Variants in BMP10 observed in about 807,000 individuals in gnomAD.
The protein encoded by BMP10 is bone morphogenetic protein 10.
A neutral mutation model predicts 29.9 loss-of-function variants in BMP10; 9 were observed. The observed-to-expected ratio is 0.30, with a 90% confidence interval of 0.18 to 0.53. The LOEUF (loss-of-function observed/expected upper bound fraction) is 0.53. Ranked by LOEUF, BMP10 falls within the 20% of genes least tolerant of loss-of-function variation. The pLI is 0.96. For missense variants in BMP10, 474 were observed against 524.3 expected (o/e 0.90, Z 0.94); for synonymous variants, 202 against 200.2 (o/e 1.01, Z -0.07).
rs1051238362 is a variant in BMP10 at position 68,866,364 on chromosome 2, C to G, written c.542G>C (p.Arg181Thr). Reference sequence around the variant, plus strand: ...CCCAGACACCAAGACCAGCATGTTTCTTTCTCCCTCATTATCCCCTTTGCT... The same window carrying G: ...CCCAGACACCAAGACCAGCATGTTTGTTTCTCCCTCATTATCCCCTTTGCT... Reference protein sequence around the residue: ...LESKGDNEGERNMLVLVSGEI... With the variant: ...LESKGDNEGETNMLVLVSGEI... Residue 181 changes from arginine to threonine, a missense_variant, in exon 2 of 2, where the codon AGA becomes ACA. By Grantham distance (71) the Arg-to-Thr change is moderately conservative (BLOSUM62 -1). Transcript: ENST00000295379. 3.1e-6 allele frequency: 5 copies of G among 1,613,976 alleles called. No individual in the cohort carries two copies. The highest frequency in any genetic ancestry group is 4.2e-6 in the Non-Finnish European group (5 of 1,179,942).
At position 68,871,192 on chromosome 2, in the gene BMP10, T is replaced by C. The variant is rs1430732589; in HGVS notation, c.167A>G (p.Gln56Arg). The C allele has an allele frequency of 6.2e-7, 1 of 1,614,170 alleles. No homozygotes were observed. The highest frequency in any genetic ancestry group is 8.5e-7 in the Non-Finnish European group (1 of 1,180,006). Residue 56 changes from glutamine (Q) to arginine (R), a missense_variant, in exon 1 of 2, where the codon CAG (glutamine) becomes CGG (arginine). By Grantham distance (43) the Gln-to-Arg change is conservative. Coordinates refer to ENST00000295379, the MANE Select transcript of BMP10 (RefSeq NM_014482.3). ...QDGVDFNTLL[Q>R]SMKDEFLKTL... is the part of the protein sequence containing the mutation. Reference sequence around the variant, plus strand: ...CTTAAGAAACTCATCCTTCATGCTCTGGAGCAGTGTGTTAAAGTCGACACC... The same window carrying C: ...CTTAAGAAACTCATCCTTCATGCTCCGGAGCAGTGTGTTAAAGTCGACACC...
rs1279174043 is a variant in BMP10, at chr2:68,861,870, G to T, written c.*3761C>A. Among the ~76,000 whole-genome samples, 1 of 152,102 alleles carries T rather than the reference G, an allele frequency of 6.6e-6. No homozygotes were observed. The highest frequency in any genetic ancestry group is 1.5e-5 in the Non-Finnish European group (1 of 67,998). ...CATCAGGAAAGAATTCGGCACTTTG[G>T]GGCTGACTCTTTTGGAAATCACTAA... On this transcript the variant is annotated 3_prime_UTR_variant, in exon 2 of 2. Coordinates refer to ENST00000295379, the MANE Select transcript of BMP10 (RefSeq NM_014482.3).
chr2:68,862,525 C>A lies in BMP10; in HGVS notation c.*3106G>T, dbSNP rs1281980297. 6.6e-6 allele frequency among the ~76,000 whole-genome samples: 1 copy of A among 152,106 alleles called. No homozygotes were observed. Among genetic ancestry groups the A allele is most frequent in the East Asian group, 1.9e-4 (1 of 5,202 alleles). The stretch of plus-strand genomic sequence containing the variant: ...ATGAATATTTTGGCTGTGGGCTGCC[C>A]AAGTCCCTCTGCTATAATTCTCCTC... On this transcript the variant is annotated 3_prime_UTR_variant, in exon 2 of 2. Coordinates refer to ENST00000295379, the MANE Select transcript of BMP10 (RefSeq NM_014482.3).
rs1168045412 is a variant in BMP10, at chr2:68,861,432, T to C, written c.*4199A>G. Among the ~76,000 whole-genome samples the C allele has an allele frequency of 6.6e-6, 1 of 152,250 alleles. No individual in the cohort carries two copies. The highest frequency in any genetic ancestry group is 1.5e-5 in the Non-Finnish European group (1 of 68,042). ...AATATTTCACATGCAGAAACACCCCTGTGTACTTCTCTTCCATAGTCACAT... is the reference window on the plus strand; with the variant it reads ...AATATTTCACATGCAGAAACACCCCCGTGTACTTCTCTTCCATAGTCACAT... On this transcript the variant is annotated 3_prime_UTR_variant, in exon 2 of 2. Transcript: ENST00000295379.
Position 68,866,314 on chromosome 2 carries a change from ACTCACTGTTGGTT to A in BMP10, c.579_591del (p.Thr194GlyfsTer42). 6.2e-7 allele frequency: 1 copy of A among 1,613,596 alleles called. No individual in the cohort carries two copies. Among genetic ancestry groups the A allele is most frequent in the Non-Finnish European group, 8.5e-7 (1 of 1,179,844 alleles). The stretch of plus-strand genomic sequence containing the variant: ...GCATCTGTGACATCAAAAGTCTCCC[ACTCACTGTTGGTT>A]CCATATATCTCCCCAGACACCAAGA... On this transcript the variant is annotated frameshift_variant, in exon 2 of 2. Transcript: ENST00000295379. LOFTEE classifies it high-confidence loss of function.
intron 1 of BMP10, among the ~76,000 whole-genome samples, chr2:68,870,110 C>A (rs529749455): frequency 6.6e-6 from 1 of 152,144 alleles, no homozygotes; most frequent in Non-Finnish European, 1.5e-5. Context: ...CCAATATTAA[C>A]GGGAAGCTTC....
rs770691289 is a variant in BMP10, at chr2:68,871,137, C to T, written c.222G>A (p.Gln74=). The change falls in exon 1 of 2, where the codon CAG becomes CAA. Residue 74 remains glutamine (Q), a synonymous_variant. Coordinates refer to ENST00000295379, the MANE Select transcript of BMP10 (RefSeq NM_014482.3). ...KTLNLSDIPT[Q]DSAKVDPPEY... ...CTGGTGGGTCCACCTTGGCTGAATC[C>T]TGCGTGGGGATGTCAGAGAGGTTTA... is the stretch of plus-strand genomic sequence containing the variant. The T allele has an allele frequency of 1.2e-6, 2 of 1,614,120 alleles. No homozygotes were observed. Among genetic ancestry groups the T allele is most frequent in the Non-Finnish European group, 1.7e-6 (2 of 1,180,020 alleles).
Position 68,865,555 on chromosome 2 carries a change from T to G in BMP10, c.*76A>C. 1 of 1,422,754 alleles carries G rather than the reference T, an allele frequency of 7.0e-7. No individual in the cohort carries two copies. The highest frequency in any genetic ancestry group is 9.7e-7 in the Non-Finnish European group (1 of 1,036,254). 88.1% of individuals were successfully genotyped at this position (1,422,754 alleles called of 1,614,324 possible). On this transcript the variant is annotated 3_prime_UTR_variant, in exon 2 of 2. Transcript: ENST00000295379. This position sits in a 1 kb window ranked among gnomAD's most constrained non-coding sequence, Gnocchi z 4.7. ...GCAAGCCTCTATTACTGTACACCCT[T>G]ATTAAATAATCTCATTAAATAGGAA... is the stretch of plus-strand genomic sequence containing the variant.
At position 68,866,489 on chromosome 2, in the gene BMP10, C is replaced by A. The variant is rs753363109; in HGVS notation, c.417G>T (p.Glu139Asp). The A allele has an allele frequency of 1.2e-6, 2 of 1,613,768 alleles. No individual in the cohort carries two copies. Residue 139 changes from glutamate (E) to aspartate (D), a missense_variant, in exon 2 of 2, where the codon GAG becomes GAT. Physicochemically the swap from Glu to Asp is conservative, Grantham distance 45. Coordinates refer to ENST00000295379, the MANE Select transcript of BMP10 (RefSeq NM_014482.3). Reference sequence around the variant, plus strand: ...ATAGCCTAAGTTCAGCCATGATGACCTCTTCATGGTGAGGAATGGACACAT... The same window carrying A: ...ATAGCCTAAGTTCAGCCATGATGACATCTTCATGGTGAGGAATGGACACAT... ...LFNVSIPHHE[E>D]VIMAELRLYT...
chr2:68,861,829 C>T lies in BMP10; in HGVS notation c.*3802G>A, dbSNP rs760739524. ...AAAAAGGTTTTTGTCATTAATTCCC[C>T]GGACCAAAATTTACACATCAGGAAA... On this transcript the variant is annotated 3_prime_UTR_variant, in exon 2 of 2. Coordinates refer to ENST00000295379, the MANE Select transcript of BMP10 (RefSeq NM_014482.3). Among the ~76,000 whole-genome samples the T allele has an allele frequency of 5.9e-5, 9 of 152,132 alleles. No homozygotes were observed. Among genetic ancestry groups the T allele is most frequent in the African/African-American group, 1.2e-4 (5 of 41,412 alleles).
rs1043379161 is a variant in BMP10, at chr2:68,868,451, G to C, written c.335-1880C>G. On this transcript the variant is annotated intron_variant, in intron 1 of 1. Transcript: ENST00000295379. Reference sequence around the variant, plus strand: ...TATTTCAGCCATCTTTTTATGAATGGATTTTCCCAACTAGATTGCCATCCT... The same window carrying C: ...TATTTCAGCCATCTTTTTATGAATGCATTTTCCCAACTAGATTGCCATCCT... Among the ~76,000 whole-genome samples the C allele has an allele frequency of 2.0e-5, 3 of 151,974 alleles. No individual in the cohort carries two copies. In the East Asian group the frequency reaches 5.8e-4, roughly 29 times the overall value.
At position 68,861,498 on chromosome 2, in the gene BMP10, G is replaced by A. The variant is rs999581178; in HGVS notation, c.*4133C>T. Among the ~76,000 whole-genome samples, 5 of 152,178 alleles carry A rather than the reference G, an allele frequency of 3.3e-5. No individual in the cohort carries two copies. The highest frequency in any genetic ancestry group is 1.2e-4 in the African/African-American group (5 of 41,448). On this transcript the variant is annotated 3_prime_UTR_variant, in exon 2 of 2. Coordinates refer to ENST00000295379, the MANE Select transcript of BMP10 (RefSeq NM_014482.3). ...TGTAGGAAATCAACTGTTCCTGTTT[G>A]GGGGCAAGAAAATGCACAGAGTCAT...
At chr2:68,869,498 A>T (rs188267632) in intron 1 of BMP10, among the ~76,000 whole-genome samples, 17 of 152,302 alleles carry the variant, frequency 1.1e-4, no homozygotes, top group Non-Finnish European at 2.2e-4. Flanking sequence ...AATAATAAGC[A>T]CAGTAAACTC....
Position 68,861,742 on chromosome 2 carries a change from C to T in BMP10, c.*3889G>A, listed in dbSNP as rs544856611. Among the ~76,000 whole-genome samples the T allele has an allele frequency of 8.5e-5, 13 of 152,186 alleles. No individual in the cohort carries two copies. Among genetic ancestry groups the T allele is most frequent in the Non-Finnish European group, 1.9e-4 (13 of 68,024 alleles). ...ATAAAATTCTCTTATATGAAAATAT[C>T]TTTTACTTGAAGAATATAAATCATA... On this transcript the variant is annotated 3_prime_UTR_variant, in exon 2 of 2. Transcript: ENST00000295379.
Position 68,871,010 on chromosome 2 carries a change from T to A in BMP10, c.334+15A>T. The A allele has an allele frequency of 9.4e-6, 15 of 1,601,524 alleles. No individual in the cohort carries two copies. The highest frequency in any genetic ancestry group is 1.3e-5 in the Non-Finnish European group (15 of 1,171,096). On this transcript the variant is annotated intron_variant, in intron 1 of 1. Transcript: ENST00000295379. Reference sequence around the variant, plus strand: ...TGAAAAAAATCCTAGCAAAATTTCATCAGCAAAAACTTACCTTCATTCTTG... The same window carrying A: ...TGAAAAAAATCCTAGCAAAATTTCAACAGCAAAAACTTACCTTCATTCTTG...
At chr2:68,867,901 T>C (rs1020318423) in intron 1 of BMP10, among the ~76,000 whole-genome samples, 6 of 95,214 alleles carry the variant, frequency 6.3e-5, no homozygotes, top group Non-Finnish European at 1.2e-4. Context: ...TTTGAGGTGA[T>C]ATTTATGTGT....
At position 68,866,365 on chromosome 2, in the gene BMP10, T is replaced by C. The variant is rs1446043590; in HGVS notation, c.541A>G (p.Arg181Gly). ...CCAGACACCAAGACCAGCATGTTTCTTTCTCCCTCATTATCCCCTTTGCTC... is the reference window on the plus strand; with the variant it reads ...CCAGACACCAAGACCAGCATGTTTCCTTCTCCCTCATTATCCCCTTTGCTC... ...LESKGDNEGE[R>G]NMLVLVSGEI... The change falls in exon 2 of 2, where the codon AGA (arginine) becomes GGA (glycine). Residue 181 changes from arginine (R) to glycine (G), a missense_variant. Arg to Gly is a moderately radical substitution (Grantham distance 125). Coordinates refer to ENST00000295379, the MANE Select transcript of BMP10 (RefSeq NM_014482.3). 6.2e-7 allele frequency: 1 copy of C among 1,614,018 alleles called. No individual in the cohort carries two copies. The highest frequency in any genetic ancestry group is 1.7e-5 in the Admixed American group (1 of 60,004).
rs762857675 is a variant in BMP10, at chr2:68,861,337, G to A, written c.*4294C>T. Among the ~76,000 whole-genome samples the A allele has an allele frequency of 2.3e-4, 35 of 152,192 alleles. No homozygotes were observed. Among genetic ancestry groups the A allele is most frequent in the Non-Finnish European group, 4.7e-4 (32 of 68,034 alleles). ...CAAGCCAGGTGCTCACAAAACCAGT[G>A]CCCATGTGTGATAAAAACATGCTGA... On this transcript the variant is annotated 3_prime_UTR_variant, in exon 2 of 2. Transcript: ENST00000295379.
rs777738014 is a variant in BMP10, at chr2:68,866,201, G to C, written c.705C>G (p.Ser235Arg). ...TGGTATCTATTTCTAGCCGTCCACT[G>C]CTGGCATCCTCAGCTTCATCGTGTT... ...ESKHDEAEDA[S>R]SGRLEIDTSA... is the part of the protein sequence containing the mutation. The change falls in exon 2 of 2, where the codon AGC (serine) becomes AGG (arginine). Residue 235 changes from serine (S) to arginine (R), a missense_variant. Ser to Arg is a moderately radical substitution (Grantham distance 110). Transcript: ENST00000295379. 3.1e-6 allele frequency: 5 copies of C among 1,614,046 alleles called. No homozygotes were observed. The South Asian group carries it at 4.4e-5, about 14-fold the overall frequency.
Sources: gnomAD v4.1 joint callset for allele counts (sites outside exome capture counted in the v4.1 genomes callset) on GRCh38, gnomAD v4.1.1 for gene constraint, Gnocchi (gnomAD v3.1) non-coding constraint, MANE v1.5 for transcripts, NCBI Gene and HGNC (gene_info 2026-07-23, HGNC 2026-07-21) for gene names.